GLIS3: variants seen among roughly 807,000 people sequenced by gnomAD.
The protein encoded by GLIS3 is GLIS family zinc finger 3.
In GLIS3, 53 loss-of-function variants were observed where a neutral mutation model predicts 78.6. The observed-to-expected ratio is 0.67, with a 90% CI of 0.54 to 0.85. The LOEUF (loss-of-function observed/expected upper bound fraction) is 0.85. GLIS3 is among the 40% of genes least tolerant of loss of function. GLIS3 has a pLI of 0.00. For synonymous variants in GLIS3, 684 were observed against 509.9 expected (o/e 1.34, Z -4.60); for missense variants, 1,703 against 1,231.1 (o/e 1.38, Z -5.74).
intron 2 of GLIS3, among the ~76,000 whole-genome samples, chr9:4,241,184 G>C (rs1022742343): frequency 2.6e-5 from 4 of 152,198 alleles, no homozygotes; most frequent in Non-Finnish European, 5.9e-5. Flanking sequence ...CAGACTGGAT[G>C]AAGTGTGGTG....
chr9:4,375,665 CA>C, the GLIS3 span, among the ~76,000 whole-genome samples: 17 of 152,198 alleles, frequency 1.1e-4, no homozygotes, highest in Non-Finnish European at 1.8e-4. Context: ...CTTCTACAGT[CA>C]TAAAACATGC....
At chr9:4,094,446 A>G (rs1182373307) in intron 4 of GLIS3, among the ~76,000 whole-genome samples, 1 of 152,180 alleles carries the variant, frequency 6.6e-6, no homozygotes, top group Non-Finnish European at 1.5e-5. Flanking sequence ...ATTTTTAGAG[A>G]CAGGTTACGT....
chr9:4,421,550 G>A, the GLIS3 span, among the ~76,000 whole-genome samples: 1 of 152,198 alleles, frequency 6.6e-6, no homozygotes, highest in South Asian at 2.1e-4. Context: ...TTAGTTGTGG[G>A]TGAGGCACTC....
At chr9:4,226,155 A>G (rs4741922) in intron 2 of GLIS3, among the ~76,000 whole-genome samples, 138,118 of 152,218 alleles carry the variant, frequency 0.91, 62,789 homozygotes, top group Non-Finnish European at 0.93. Flanking sequence ...CACAAAAGTG[A>G]CTCTTCTCAA....
intron 4 of GLIS3, among the ~76,000 whole-genome samples, chr9:3,994,000 G>C (rs892850246): frequency 3.3e-5 from 5 of 152,294 alleles, no homozygotes; most frequent in African/African-American, 1.2e-4. Flanking sequence ...GAGTCATCCA[G>C]AGAGCTTGTT....
intron 4 of GLIS3, among the ~76,000 whole-genome samples, chr9:3,969,053 G>C (rs1190146691): frequency 1.3e-5 from 2 of 152,144 alleles, no homozygotes; most frequent in African/African-American, 4.8e-5. Flanking sequence ...TGACTTGTCC[G>C]TGTTTGAGTC....
intron 2 of GLIS3, among the ~76,000 whole-genome samples, chr9:4,246,204 C>T (rs1395323773): frequency 6.6e-6 from 1 of 152,156 alleles, no homozygotes; most frequent in East Asian, 1.9e-4. Flanking sequence ...ACCACAAATA[C>T]AAAAATTATC....
chr9:4,120,570 T>G (rs1377005702), intron 3 of GLIS3, among the ~76,000 whole-genome samples: 1 of 152,224 alleles, frequency 6.6e-6, no homozygotes, highest in Non-Finnish European at 1.5e-5. Flanking sequence ...GGTGATTGGA[T>G]GTCAAGGGCC....
chr9:4,202,442 AAAAT>A (rs1414186488), intron 2 of GLIS3, among the ~76,000 whole-genome samples: 2 of 110,430 alleles, frequency 1.8e-5, no homozygotes, highest in African/African-American at 6.3e-5. Context: ...AAAATAAAAT[AAAAT>A]AAAATAAAAA....
chr9:3,898,898 G>T, intron 6 of GLIS3, 63 bp from the exon 7 acceptor site: 7 of 1,609,530 alleles, frequency 4.3e-6, no homozygotes, highest in Non-Finnish European at 5.1e-6. Flanking sequence ...ATTTTCCTGG[G>T]AAGGCATCAT....
At chr9:4,036,258 C>T (rs941026984) in intron 4 of GLIS3, among the ~76,000 whole-genome samples, 2 of 152,132 alleles carry the variant, frequency 1.3e-5, no homozygotes, top group African/African-American at 2.4e-5. Flanking sequence ...GCTAAGAACA[C>T]AGAAATCAAA....
intron 4 of GLIS3, among the ~76,000 whole-genome samples, chr9:3,966,645 T>C (rs1416248550): frequency 6.6e-6 from 1 of 151,568 alleles, no homozygotes; most frequent in African/African-American, 2.4e-5. Flanking sequence ...AACTACAAAA[T>C]TAGCCAGGCA....
chr9:4,210,057 G>T (rs1011375216), intron 2 of GLIS3, among the ~76,000 whole-genome samples: 3 of 152,184 alleles, frequency 2.0e-5, no homozygotes, highest in African/African-American at 7.2e-5. Context: ...GGTGTCCCCA[G>T]TGCTGGTATA....
intron 4 of GLIS3, among the ~76,000 whole-genome samples, chr9:4,077,673 G>C (rs555193763): frequency 6.6e-6 from 1 of 152,046 alleles, no homozygotes; most frequent in Non-Finnish European, 1.5e-5. Context: ...AGTCCCTGTC[G>C]GCCTCTACCA....
At chr9:4,096,512 G>A (rs980740647) in intron 4 of GLIS3, among the ~76,000 whole-genome samples, 4 of 152,176 alleles carry the variant, frequency 2.6e-5, no homozygotes, top group Admixed American at 2.0e-4. Flanking sequence ...AGCTGGGGGT[G>A]GTGGAGTCCT....
intron 2 of GLIS3, among the ~76,000 whole-genome samples, chr9:4,155,500 C>G (rs1432996197): frequency 6.6e-6 from 1 of 152,184 alleles, no homozygotes; most frequent in Non-Finnish European, 1.5e-5. Context: ...TATTTGTTTT[C>G]TTTGCTGAAC....
At chr9:4,350,237 A>G (rs1423718667), upstream of GLIS3, among the ~76,000 whole-genome samples, 1 of 152,180 alleles carries the variant, frequency 6.6e-6, no homozygotes, top group African/African-American at 2.4e-5. Context: ...CCCGCAAGGC[A>G]CCTATTCACC....
intron 2 of GLIS3, among the ~76,000 whole-genome samples, chr9:4,325,273 A>C (rs1817583650): frequency 6.6e-6 from 1 of 152,168 alleles, no homozygotes; most frequent in Non-Finnish European, 1.5e-5. Flanking sequence ...GGGGCTGTTT[A>C]TGTCTTCTTG....
the GLIS3 span, among the ~76,000 whole-genome samples, chr9:4,380,413 G>T: frequency 6.6e-6 from 1 of 152,180 alleles, no homozygotes; most frequent in African/African-American, 2.4e-5. Flanking sequence ...CATCAAGGAA[G>T]TCAGGTGACA....
Sources: gnomAD v4.1 joint callset for allele counts (sites outside exome capture counted in the v4.1 genomes callset) on GRCh38, gnomAD v4.1.1 for gene constraint, MANE v1.5 for transcripts, NCBI Gene and HGNC (gene_info 2026-07-23, HGNC 2026-07-21) for gene names.